The following FSHR variants were observed in gnomAD, a reference collection of about 807,000 sequenced individuals.
The protein encoded by FSHR is follicle stimulating hormone receptor.
A neutral mutation model predicts 52.1 loss-of-function variants in FSHR; 46 were observed. The ratio of observed to expected loss-of-function variants is 0.88; its 90% CI spans 0.70 to 1.13. The LOEUF is 1.13. Among genes scored for constraint, FSHR ranks in the 50% most tolerant of loss-of-function variants. FSHR has a pLI of 0.00. For synonymous variants in FSHR, 399 were observed against 309.6 expected (o/e 1.29, Z -3.03); for missense variants, 964 against 834.6 (o/e 1.16, Z -1.91).
rs906394064 is a variant in FSHR at position 49,127,821 on chromosome 2, T to C, written c.152+26445A>G. Among the ~76,000 whole-genome samples the C allele has an allele frequency of 5.8e-4, 38 of 65,178 alleles. 1 individual carries two copies. The highest frequency in any genetic ancestry group is 1.3e-3 in the South Asian group (2 of 1,512). 42.8% of individuals were successfully genotyped at this position (65,178 alleles called of 152,430 possible). A position where few individuals can be genotyped will look rare whatever the true frequency, so the allele number is the denominator to read the frequency against. On this transcript the variant is annotated intron_variant, in intron 1 of 9. Transcript: ENST00000406846. ...CTTCTTCTTCTTCTTCTTCTTCTTC[T>C]TCTTCTTCCTCTTCTTCTTCTTCTT...
At chr2:49,037,932 A>G (rs1668329073) in intron 2 of FSHR, among the ~76,000 whole-genome samples, 1 of 152,184 alleles carries the variant, frequency 6.6e-6, no homozygotes, top group African/African-American at 2.4e-5. Flanking sequence ...TCATTAAACC[A>G]CAAGCATTAA....
chr2:49,070,559 T>C (rs1669692236), intron 1 of FSHR, among the ~76,000 whole-genome samples: 1 of 152,130 alleles, frequency 6.6e-6, no homozygotes, highest in Admixed American at 6.6e-5. Context: ...ATTGAAACAT[T>C]AAAGTAAAAT....
chr2:48,976,720 T>C (rs1438011566), intron 8 of FSHR, among the ~76,000 whole-genome samples: 1 of 152,222 alleles, frequency 6.6e-6, no homozygotes, highest in Non-Finnish European at 1.5e-5. Context: ...GAATGGTGTA[T>C]GTGTCCAGGA....
intron 1 of FSHR, among the ~76,000 whole-genome samples, chr2:49,130,516 C>T (rs988709921): frequency 1.3e-5 from 2 of 152,160 alleles, no homozygotes; most frequent in Non-Finnish European, 2.9e-5. Context: ...CAATACAATC[C>T]AATTCAGTTC....
At chr2:48,969,065 AG>A (rs1337772853) in intron 8 of FSHR, among the ~76,000 whole-genome samples, 182 bp from the exon 9 acceptor site, 1 of 152,198 alleles carries the variant, frequency 6.6e-6, no homozygotes, top group Non-Finnish European at 1.5e-5. Context: ...TTGGTTCTGT[AG>A]GAGTCCTGGT....
intron 1 of FSHR, among the ~76,000 whole-genome samples, chr2:49,106,958 G>T (rs1190984853): frequency 6.6e-6 from 1 of 152,076 alleles, no homozygotes; most frequent in Non-Finnish European, 1.5e-5. Context: ...ATTTACTTGT[G>T]CCATTGTGTG....
At chr2:49,027,422 A>G (rs1487327910) in intron 2 of FSHR, among the ~76,000 whole-genome samples, 2 of 152,236 alleles carry the variant, frequency 1.3e-5, no homozygotes, top group Non-Finnish European at 2.9e-5. Context: ...AGTAGAGAAA[A>G]TAGTGAAGTG....
intron 2 of FSHR, among the ~76,000 whole-genome samples, chr2:49,058,240 A>G (rs1669140083): frequency 6.6e-6 from 1 of 152,206 alleles, no homozygotes. Context: ...CCCTGTTTTT[A>G]AATGACATAT....
intron 1 of FSHR, among the ~76,000 whole-genome samples, chr2:49,135,459 A>G (rs1450170602): frequency 1.3e-5 from 2 of 152,198 alleles, no homozygotes; most frequent in African/African-American, 4.8e-5. Flanking sequence ...GAATCCAGCT[A>G]AGGTCATGCT....
intron 1 of FSHR, among the ~76,000 whole-genome samples, chr2:49,071,774 G>A (rs939691737): frequency 2.0e-5 from 3 of 151,854 alleles, no homozygotes; most frequent in Non-Finnish European, 4.4e-5. Context: ...GTAGGGGAAG[G>A]AGGACAGGCA....
At chr2:48,974,079 C>G (rs998643923) in intron 8 of FSHR, among the ~76,000 whole-genome samples, 2 of 152,072 alleles carry the variant, frequency 1.3e-5, no homozygotes, top group Admixed American at 6.6e-5. Flanking sequence ...AGAGCTAATT[C>G]TAAGGGGAGA....
At chr2:49,013,440 T>G (rs1283942855) in intron 4 of FSHR, among the ~76,000 whole-genome samples, 1 of 138,442 alleles carries the variant, frequency 7.2e-6, no homozygotes, top group Non-Finnish European at 1.6e-5. Context: ...AGAGCTAGAG[T>G]CTTAGCCCTG....
At chr2:49,128,141 C>G (rs1375687502) in intron 1 of FSHR, among the ~76,000 whole-genome samples, 1 of 151,754 alleles carries the variant, frequency 6.6e-6, no homozygotes, top group African/African-American at 2.4e-5. Flanking sequence ...CTCAGCCTCC[C>G]AAGTGCTAGG....
chr2:49,081,462 ATAAT>A (rs1256424958), intron 1 of FSHR, among the ~76,000 whole-genome samples: 1 of 152,184 alleles, frequency 6.6e-6, no homozygotes, highest in Non-Finnish European at 1.5e-5. Flanking sequence ...GAAATATTTC[ATAAT>A]TAATTTTCAA....
At chr2:49,061,561 T>A (rs1669290954) in intron 2 of FSHR, among the ~76,000 whole-genome samples, 1 of 145,294 alleles carries the variant, frequency 6.9e-6, no homozygotes, top group South Asian at 2.1e-4. Context: ...TATATACATA[T>A]AAATATACAT....
chr2:49,087,481 C>T (rs1670443896), intron 1 of FSHR, among the ~76,000 whole-genome samples: 1 of 152,052 alleles, frequency 6.6e-6, no homozygotes, highest in African/African-American at 2.4e-5. Flanking sequence ...GCGCTAGGCC[C>T]TGAGGACATA....
intron 1 of FSHR, among the ~76,000 whole-genome samples, chr2:49,093,543 GTC>G (rs1670695490): frequency 6.6e-6 from 1 of 150,926 alleles, no homozygotes; most frequent in African/African-American, 2.4e-5. Context: ...GCATGGCATA[GTC>G]TCTCTTTTTT....
intron 4 of FSHR, chr2:49,014,894 C>G (rs1213410351): frequency 6.4e-6 from 3 of 470,006 alleles, no homozygotes; most frequent in Non-Finnish European, 8.8e-6. Context: ...ACTGAAGGCT[C>G]TATGATCCCC....
intron 4 of FSHR, among the ~76,000 whole-genome samples, chr2:48,998,981 C>A (rs960797043): frequency 1.3e-5 from 2 of 151,980 alleles, no homozygotes; most frequent in African/African-American, 4.8e-5. Context: ...TGTGTATCTA[C>A]TTTATCAATA....
Sources: allele counts gnomAD v4.1 joint callset (sites outside exome capture counted in the v4.1 genomes callset), GRCh38; gene constraint gnomAD v4.1.1; transcripts MANE v1.5; gene names NCBI Gene and HGNC (gene_info 2026-07-23, HGNC 2026-07-21).